KIF7: variants seen among roughly 807,000 people sequenced by gnomAD.
The protein encoded by KIF7 is kinesin family member 7.
A neutral mutation model predicts 135.7 loss-of-function variants in KIF7; 104 were observed. The ratio of observed to expected loss-of-function variants is 0.77; its 90% CI spans 0.65 to 0.90. The LOEUF is 0.90. Ranked by LOEUF, KIF7 falls within the 40% of genes least tolerant of loss-of-function variation. The probability of loss-of-function intolerance (pLI) is 0.00; values close to 1 mark genes in which losing one functional copy is unlikely to be tolerated. For synonymous variants in KIF7, 883 were observed against 809.4 expected, an observed-to-expected ratio of 1.09 and a Z score of -1.54; for missense variants, 2,005 against 1,839.1, an observed-to-expected ratio of 1.09 and a Z score of -1.65.
chr15:89,628,413 G>T lies in KIF7; in HGVS notation c.*6C>A. Reference sequence around the variant, plus strand: ...CTCCCTCCAAGGCAGGGTCTGCCCCGAGGGCTTACAGGGGGTTTTTCCGGA... The same window carrying T: ...CTCCCTCCAAGGCAGGGTCTGCCCCTAGGGCTTACAGGGGGTTTTTCCGGA... On this transcript the variant is annotated 3_prime_UTR_variant, in exon 19 of 19. Coordinates refer to ENST00000394412, the MANE Select transcript of KIF7 (RefSeq NM_198525.3). The T allele has an allele frequency of 1.2e-6, 2 of 1,601,498 alleles. No homozygotes were observed. The highest frequency in any genetic ancestry group is 1.7e-6 in the Non-Finnish European group (2 of 1,173,896).
Position 89,649,103 on chromosome 15 carries a change from G to T in KIF7, c.794C>A (p.Thr265Asn), listed in dbSNP as rs1191970042. The T allele has an allele frequency of 2.6e-6, 4 of 1,547,632 alleles. No individual in the cohort carries two copies. The African/African-American group carries it at 4.1e-5, about 16-fold the overall frequency. The part of the protein sequence containing the change: ...GSERVLKTGS[T>N]GERLKESIQI... ...GATGCTCTCCTTGAGCCGCTCGCCG[G>T]TGCTGCCCGTCTTGAGCACCCTCTC... Residue 265 changes from threonine to asparagine, a missense_variant, in exon 4 of 19, where the codon ACC becomes AAC. Physicochemically the swap from Thr to Asn is moderately conservative, Grantham distance 65. Transcript: ENST00000394412.
intron 2 of KIF7, 22 bp downstream of exon 2, chr15:89,652,581 G>C: frequency 6.7e-7 from 1 of 1,483,306 alleles, no homozygotes; most frequent in Non-Finnish European, 9.1e-7. Flanking sequence ...GTGGGCACAG[G>C]GCCACGAACA....
rs1964066861 is a variant in KIF7, at chr15:89,648,722, C to T, written c.976G>A (p.Val326Ile). The T allele has an allele frequency of 3.9e-6, 6 of 1,536,160 alleles. No individual in the cohort carries two copies. Among genetic ancestry groups the T allele is most frequent in the Non-Finnish European group, 5.2e-6 (6 of 1,146,502 alleles). The stretch of plus-strand genomic sequence containing the variant: ...TCGAAGTCGGAGGAGGAAGGGCTGA[C>T]GCAGGCGATCATCACCGTCTTGGCG... ...GNAKTVMIAC[V>I]SPSSSDFDET... Residue 326 changes from valine to isoleucine, a missense_variant, in exon 5 of 19, where the codon GTC becomes ATC. By Grantham distance (29) the Val-to-Ile change is conservative. Transcript: ENST00000394412.
chr15:89,635,347 GAGA>G (rs1332982162), intron 11 of KIF7, among the ~76,000 whole-genome samples: 1 of 152,248 alleles, frequency 6.6e-6, no homozygotes, highest in Admixed American at 6.5e-5. Flanking sequence ...GACGAGCTGA[GAGA>G]AGAAGGCTTC....
intron 14 of KIF7, 63 bp downstream of exon 14, chr15:89,632,757 G>C (rs2096567871): frequency 6.5e-7 from 1 of 1,541,506 alleles, no homozygotes; most frequent in Non-Finnish European, 8.8e-7. Flanking sequence ...GGCAAGATCT[G>C]TCCTGGCTGG....
chr15:89,617,566 A>T (rs1963354690), intron 2 of KIF7, among the ~76,000 whole-genome samples: 1 of 152,188 alleles, frequency 6.6e-6, no homozygotes, highest in Non-Finnish European at 1.5e-5. Flanking sequence ...TCTGTCACTC[A>T]GGCTGGAGTG....
At position 89,648,504 on chromosome 15, in the gene KIF7, G is replaced by A. The variant is rs1215553031; in HGVS notation, c.1194C>T (p.Ser398=). The A allele has an allele frequency of 2.8e-6, 3 of 1,056,000 alleles. No homozygotes were observed. Among genetic ancestry groups the A allele is most frequent in the Middle Eastern group, 4.4e-4 (1 of 2,292 alleles). 65.4% of individuals were successfully genotyped at this position (1,056,000 alleles called of 1,614,324 possible). A position where few individuals can be genotyped will look rare whatever the true frequency, so the allele number is the denominator to read the frequency against. Residue 398 remains serine, a synonymous_variant, in exon 5 of 19, where the codon TCC becomes TCT. Coordinates refer to ENST00000394412, the MANE Select transcript of KIF7 (RefSeq NM_198525.3). ...GRRAPGPATA[S]AAAAMRLGAE... is the part of the protein sequence containing the mutation. ...CGCCCAGGCGCATGGCGGCCGCCGC[G>A]GAGGCGGTGGCTGGGCCTGGGGCGC...
At chr15:89,658,566 T>C (rs1596034746), upstream of KIF7, among the ~76,000 whole-genome samples, 1 of 151,782 alleles carries the variant, frequency 6.6e-6, no homozygotes, top group African/African-American at 2.4e-5. Flanking sequence ...TAAAAATTAA[T>C]TAAATGTAGG....
rs746577567 is a variant in KIF7, at chr15:89,632,957, C to T, written c.2758G>A (p.Glu920Lys). The change falls in exon 14 of 19, where the codon GAG becomes AAG. Residue 920 changes from glutamate (E) to lysine (K), a missense_variant. By Grantham distance (56) the Glu-to-Lys change is moderately conservative. Coordinates refer to ENST00000394412, the MANE Select transcript of KIF7 (RefSeq NM_198525.3). ...EQKKWLDQEM[E>K]KVLQQRRALE... ...GCCCGCCGCTGCTGTAGCACCTTCT[C>T]CATCTCCTGGTCCAGCCACTTCTTC... 6.3e-7 allele frequency: 1 copy of T among 1,598,444 alleles called. No individual in the cohort carries two copies. Among genetic ancestry groups the T allele is most frequent in the Admixed American group, 1.7e-5 (1 of 59,566 alleles).
At chr15:89,630,793 A>G (rs1417155629) in intron 15 of KIF7, 3 of 491,878 alleles carry the variant, frequency 6.1e-6, no homozygotes, top group Non-Finnish European at 1.1e-5. Flanking sequence ...ACAGCCACGG[A>G]GGCACCACGG....
At chr15:89,623,812 C>A (rs756120964), downstream of KIF7, 39 of 1,613,822 alleles carry the variant, frequency 2.4e-5, no homozygotes, top group Non-Finnish European at 3.3e-5. Flanking sequence ...CCATGACTCA[C>A]CATTGGATTC....
In KIF7 at chr15:89,642,365, A is replaced by AC; in HGVS notation, c.2231dup (p.Ile745TyrfsTer17). Reference sequence around the variant, plus strand: ...CTGCCTCCTGCTCCAGCTCCCGGATACGCTGGCTGTGCTGGCGGTTCAGGG... The same window carrying AC: ...CTGCCTCCTGCTCCAGCTCCCGGATACCGCTGGCTGTGCTGGCGGTTCAGGG... On this transcript the variant is annotated frameshift_variant, in exon 11 of 19. Transcript: ENST00000394412. LOFTEE classifies it high-confidence loss of function. 1 of 1,609,546 alleles carries AC rather than the reference A, an allele frequency of 6.2e-7. No individual in the cohort carries two copies. Among genetic ancestry groups the AC allele is most frequent in the Non-Finnish European group, 8.5e-7 (1 of 1,178,632 alleles).
chr15:89,648,665 G>C lies in KIF7; in HGVS notation c.1033C>G (p.Arg345Gly). 2.6e-6 allele frequency: 4 copies of C among 1,535,902 alleles called. 1 individual carries two copies. In the Middle Eastern group the frequency reaches 6.7e-4, roughly 256 times the overall value. The change falls in exon 5 of 19, where the codon CGC becomes GGC. Residue 345 changes from arginine (R) to glycine (G), a missense_variant. Coordinates refer to ENST00000394412, the MANE Select transcript of KIF7 (RefSeq NM_198525.3). ...GCGCGGTTGCGGATGTTCTGGGCGCGGCTGGCGTAGTTGAGGGTGTTGAGG... is the reference window on the plus strand; with the variant it reads ...GCGCGGTTGCGGATGTTCTGGGCGCCGCTGGCGTAGTTGAGGGTGTTGAGG... ...ETLNTLNYAS[R>G]AQNIRNRATV...
rs1216389959 is a variant in KIF7, at chr15:89,621,672, G to A, written c.181-3477C>T. ...GACCTCTAGATAATACTAGAGATTG[G>A]AGGTGACTGGGTGGAGCCACATGAA... is the stretch of plus-strand genomic sequence containing the variant. On this transcript the variant is annotated intron_variant and NMD_transcript_variant, in intron 1 of 2. Transcript: ENST00000558928. 7.5e-6 allele frequency: 6 copies of A among 797,466 alleles called. No homozygotes were observed. In the Admixed American group the frequency reaches 1.6e-4, roughly 21 times the overall value. 49.4% of individuals were successfully genotyped at this position (797,466 alleles called of 1,614,324 possible).
At chr15:89,636,749 T>C (rs1963816489) in intron 11 of KIF7, among the ~76,000 whole-genome samples, 1 of 87,446 alleles carries the variant, frequency 1.1e-5, no homozygotes, top group East Asian at 2.6e-4. Context: ...AACACCCCAA[T>C]GTCAACATTA....
At chr15:89,639,634 A>T (rs1963880258) in intron 11 of KIF7, among the ~76,000 whole-genome samples, 1 of 135,866 alleles carries the variant, frequency 7.4e-6, no homozygotes, top group Non-Finnish European at 1.6e-5. Context: ...TTAAAAAGTC[A>T]GGAAACAACA....
chr15:89,638,021 C>T (rs1182730835), intron 11 of KIF7, among the ~76,000 whole-genome samples: 1 of 106,800 alleles, frequency 9.4e-6, no homozygotes, highest in East Asian at 2.3e-4. Context: ...TCAATATACG[C>T]AAATCAATAA....
At chr15:89,633,585 C>A (rs944638107) in intron 12 of KIF7, 101 bp downstream of exon 12, 14 of 1,275,224 alleles carry the variant, frequency 1.1e-5, no homozygotes, top group African/African-American at 5.9e-5. Context: ...TCTAAGGTCA[C>A]GTGGCTGTGG....
At chr15:89,623,032 A>G (rs1963452098), downstream of KIF7, among the ~76,000 whole-genome samples, 1 of 152,278 alleles carries the variant, frequency 6.6e-6, no homozygotes, top group African/African-American at 2.4e-5. Flanking sequence ...GCTGTAGGAA[A>G]GATAAGCATT....
Sources: gnomAD v4.1 joint callset for allele counts (sites outside exome capture counted in the v4.1 genomes callset) on GRCh38, gnomAD v4.1.1 for gene constraint, MANE v1.5 for transcripts, NCBI Gene and HGNC (gene_info 2026-07-23, HGNC 2026-07-21) for gene names.